CNTNAP2: variants seen among roughly 807,000 people sequenced by gnomAD.
The protein encoded by CNTNAP2 is contactin associated protein 2.
A neutral mutation model predicts 155.2 loss-of-function variants in CNTNAP2; 98 were observed. The ratio of observed to expected loss-of-function variants is 0.63; its 90% CI spans 0.54 to 0.75. The LOEUF is 0.75. Ranked by LOEUF, CNTNAP2 falls within the 30% of genes least tolerant of loss-of-function variation. The pLI is 0.00. For synonymous variants in CNTNAP2, 651 were observed against 631.2 expected (o/e 1.03, Z -0.47); for missense variants, 1,727 against 1,688.1 (o/e 1.02, Z -0.40).
intron 1 of CNTNAP2, among the ~76,000 whole-genome samples, chr7:146,566,901 C>T (rs1798365925): frequency 6.6e-6 from 1 of 152,012 alleles, no homozygotes; most frequent in Non-Finnish European, 1.5e-5. Context: ...AAATATCCAT[C>T]CTCTGACACA....
At chr7:147,762,133 T>G (rs908590231) in intron 13 of CNTNAP2, among the ~76,000 whole-genome samples, 1 of 97,118 alleles carries the variant, frequency 1.0e-5, no homozygotes, top group African/African-American at 9.5e-5. Flanking sequence ...CTAATATGTT[T>G]CTCTCTCTCT....
intron 9 of CNTNAP2, among the ~76,000 whole-genome samples, chr7:147,348,655 A>G (rs1044596705): frequency 6.6e-6 from 1 of 152,040 alleles, no homozygotes; most frequent in African/African-American, 2.4e-5. Context: ...GTTTATCCAA[A>G]GGAAAAGAAA....
intron 13 of CNTNAP2, among the ~76,000 whole-genome samples, chr7:147,644,313 A>T (rs898743998): frequency 6.6e-6 from 1 of 152,144 alleles, no homozygotes; most frequent in Non-Finnish European, 1.5e-5. Context: ...CTACTTCTCA[A>T]ATAAGTACCA....
chr7:146,320,404 A>G (rs1008624051), intron 1 of CNTNAP2, among the ~76,000 whole-genome samples: 16 of 152,170 alleles, frequency 1.1e-4, no homozygotes, highest in African/African-American at 3.9e-4. Context: ...CCCTTCAGGA[A>G]CAAGTTACGT....
Position 147,043,948 on chromosome 7 carries a change from C to T in CNTNAP2, c.444C>T (p.His148=), listed in dbSNP as rs750661428. 18 of 1,614,006 alleles carry T rather than the reference C, an allele frequency of 1.1e-5. No individual in the cohort carries two copies. In the East Asian group the frequency reaches 1.3e-4, roughly 12 times the overall value. ...GNINSDGVVR[H]ELQHPIIARY... ...TTAACTCTGACGGTGTGGTCCGGCA[C>T]GAATTACAGCATCCGATTATTGCCC... The change falls in exon 4 of 24, where the codon CAC becomes CAT. Residue 148 remains histidine (H), a synonymous_variant. Coordinates refer to ENST00000361727, the MANE Select transcript of CNTNAP2 (RefSeq NM_014141.6).
At chr7:147,599,302 C>T (rs959405163) in intron 12 of CNTNAP2, among the ~76,000 whole-genome samples, 9 of 151,408 alleles carry the variant, frequency 5.9e-5, no homozygotes, top group African/African-American at 2.2e-4. Context: ...CATGGAGAAA[C>T]CCTGTCTCTA....
intron 1 of CNTNAP2, among the ~76,000 whole-genome samples, chr7:146,248,017 G>A (rs925867745): frequency 1.3e-5 from 2 of 151,766 alleles, no homozygotes; most frequent in African/African-American, 2.4e-5. Context: ...AGGGATCGGG[G>A]CACAGAGATA....
chr7:148,204,202 G>A (rs965642681), intron 18 of CNTNAP2, among the ~76,000 whole-genome samples: 4 of 152,178 alleles, frequency 2.6e-5, no homozygotes, highest in Admixed American at 1.3e-4. Flanking sequence ...CTGCCGATAC[G>A]ATGTGGCATG....
At chr7:146,843,552 T>C (rs1803783827) in intron 3 of CNTNAP2, among the ~76,000 whole-genome samples, 1 of 151,104 alleles carries the variant, frequency 6.6e-6, no homozygotes, top group South Asian at 2.1e-4. Flanking sequence ...AATGATTACA[T>C]TATTTAATAA....
chr7:147,728,470 T>A (rs1796682505), intron 13 of CNTNAP2, among the ~76,000 whole-genome samples: 1 of 152,072 alleles, frequency 6.6e-6, no homozygotes, highest in African/African-American at 2.4e-5. Flanking sequence ...CAGTGTCCAT[T>A]TAGCGCCCAG....
intron 1 of CNTNAP2, among the ~76,000 whole-genome samples, chr7:146,622,472 T>C (rs1423264783): frequency 1.3e-5 from 2 of 152,084 alleles, no homozygotes; most frequent in Non-Finnish European, 2.9e-5. Flanking sequence ...GCCATGTATA[T>C]ATGCATATCT....
At chr7:147,065,180 C>G (rs1241139112) in intron 4 of CNTNAP2, among the ~76,000 whole-genome samples, 1 of 152,066 alleles carries the variant, frequency 6.6e-6, no homozygotes, top group Admixed American at 6.6e-5. Flanking sequence ...TTTTGGAGCT[C>G]AGTTTCCTAT....
At chr7:146,645,429 T>C (rs1799794528) in intron 1 of CNTNAP2, among the ~76,000 whole-genome samples, 1 of 152,112 alleles carries the variant, frequency 6.6e-6, no homozygotes. Flanking sequence ...AGGGTCTGCA[T>C]ACCCCCTGGC....
chr7:148,283,309 AAGGAAGGAAGG>A lies in CNTNAP2; in HGVS notation c.3475+16185_3475+16195del, dbSNP rs1563024804. 7.6e-4 allele frequency among the ~76,000 whole-genome samples: 56 copies of A among 73,418 alleles called. 3 individuals are homozygous for A. Among genetic ancestry groups the A allele is most frequent in the African/African-American group, 3.4e-3 (56 of 16,510 alleles). The allele number at this position is 73,418 out of a possible 152,430, so 48.2% of individuals were successfully genotyped here. The stretch of plus-strand genomic sequence containing the variant: ...AAAGAAAGAAAGAAAGAAAGAAAGG[AAGGAAGGAAGG>A]AAAGAAAGAAAGAATTCTTATTATT... On this transcript the variant is annotated intron_variant, in intron 21 of 23. Coordinates refer to ENST00000361727, the MANE Select transcript of CNTNAP2 (RefSeq NM_014141.6).
At chr7:148,294,270 T>G (rs10228730) in intron 21 of CNTNAP2, among the ~76,000 whole-genome samples, 31,169 of 152,006 alleles carry the variant, frequency 0.21, 3,886 homozygotes, top group African/African-American at 0.34. Flanking sequence ...GAAATGTTAT[T>G]GTATTGTCCT....
At chr7:147,732,810 A>AGTGTT (rs1205152150) in intron 13 of CNTNAP2, among the ~76,000 whole-genome samples, 42 of 149,728 alleles carry the variant, frequency 2.8e-4, no homozygotes, top group African/African-American at 9.0e-4. Context: ...TTTTTTCATC[A>AGTGTT]TCTTGGCTGC....
intron 21 of CNTNAP2, among the ~76,000 whole-genome samples, chr7:148,356,301 TCA>T (rs1388088233): frequency 4.4e-5 from 6 of 135,238 alleles, no homozygotes; most frequent in Non-Finnish European, 9.7e-5. Flanking sequence ...ACCTTTTAAC[TCA>T]CTCTTAAAAA....
intron 17 of CNTNAP2, 76 bp from the exon 18 acceptor site, chr7:148,172,166 A>C: frequency 7.1e-7 from 1 of 1,404,598 alleles, no homozygotes; most frequent in Non-Finnish European, 1.0e-6. Flanking sequence ...CTCCTACCAC[A>C]GTTGTTCAAA....
At chr7:148,216,452 C>CTATACACAAAG (rs150655238) in intron 18 of CNTNAP2, among the ~76,000 whole-genome samples, 2,423 of 152,250 alleles carry the variant, frequency 0.016, 118 homozygotes, top group Admixed American at 0.062. Flanking sequence ...ATTGTAAACC[C>CTATACACAAAG]TATACACAAA....
Sources: gnomAD v4.1 joint callset for allele counts (sites outside exome capture counted in the v4.1 genomes callset) on GRCh38, gnomAD v4.1.1 for gene constraint, MANE v1.5 for transcripts, NCBI Gene and HGNC (gene_info 2026-07-23, HGNC 2026-07-21) for gene names.